GTF2F2: variants seen among roughly 807,000 people sequenced by gnomAD.
The protein encoded by GTF2F2 is ATP-dependent helicase GTF2F2.
Under a neutral mutation model 42.2 loss-of-function variants are expected in GTF2F2, and 23 were observed. The ratio of observed to expected loss-of-function variants is 0.55; its 90% CI spans 0.39 to 0.77. GTF2F2 has a LOEUF of 0.77. Ranked by LOEUF, GTF2F2 falls within the 30% of genes least tolerant of loss-of-function variation. GTF2F2 has a pLI of 0.00. For missense variants in GTF2F2, 261 were observed against 287.2 expected (o/e 0.91, Z 0.66); for synonymous variants, 105 against 100.8 (o/e 1.04, Z -0.25).
chr13:45,276,439 C>CTT (rs61148455), intron 7 of GTF2F2, among the ~76,000 whole-genome samples: 145 of 144,214 alleles, frequency 1.0e-3, no homozygotes, highest in South Asian at 6.4e-3. Context: ...AACTGCTAGA[C>CTT]TTTTTTTTTT....
intron 4 of GTF2F2, among the ~76,000 whole-genome samples, chr13:45,156,844 C>T (rs1870780476): frequency 6.6e-6 from 1 of 152,180 alleles, no homozygotes. Context: ...ATCTTTGACG[C>T]CTTTGTAGCA....
chr13:45,189,655 G>A (rs1356519802), intron 4 of GTF2F2, among the ~76,000 whole-genome samples: 1 of 147,138 alleles, frequency 6.8e-6, no homozygotes, highest in Non-Finnish European at 1.6e-5. Flanking sequence ...TGAGGACATA[G>A]GCATGGGCAA....
intron 6 of GTF2F2, among the ~76,000 whole-genome samples, chr13:45,254,221 C>T (rs969288024): frequency 3.9e-5 from 6 of 151,994 alleles, no homozygotes; most frequent in African/African-American, 1.5e-4. Context: ...TTGTTAATCT[C>T]TTACTGTGCC....
chr13:45,186,255 G>A (rs927530903), intron 4 of GTF2F2, among the ~76,000 whole-genome samples: 3 of 150,524 alleles, frequency 2.0e-5, no homozygotes, highest in South Asian at 2.1e-4. Context: ...GATTACAGGC[G>A]TGAGCCCCGG....
Position 45,252,927 on chromosome 13 carries a change from T to C in GTF2F2, c.443T>C (p.Val148Ala). 1.3e-6 allele frequency: 2 copies of C among 1,503,512 alleles called. No individual in the cohort carries two copies. The highest frequency in any genetic ancestry group is 2.6e-5 in the East Asian group (1 of 38,408). 93.1% of individuals were successfully genotyped at this position (1,503,512 alleles called of 1,614,324 possible). A position where few individuals can be genotyped will look rare whatever the true frequency, so the allele number is the denominator to read the frequency against. The stretch of plus-strand genomic sequence containing the variant: ...AGGCTATCACAACAGCTGGACAAAG[T>C]TGTAACAACCAATTACAAACCTGTT... ...PVRLSQQLDKVVTTNYKPVAN... is the reference protein window; with the variant it reads ...PVRLSQQLDKAVTTNYKPVAN... The change falls in exon 6 of 8, where the codon GTT (valine) becomes GCT (alanine). Residue 148 changes from valine to alanine, a missense_variant. Val to Ala is a moderately conservative substitution (Grantham distance 64, BLOSUM62 0). Coordinates refer to ENST00000340473, the MANE Select transcript of GTF2F2 (RefSeq NM_004128.3).
chr13:45,150,373 A>G (rs1343255043), intron 3 of GTF2F2, among the ~76,000 whole-genome samples: 4 of 152,124 alleles, frequency 2.6e-5, no homozygotes, highest in Non-Finnish European at 4.4e-5. Context: ...TATTTGTTAA[A>G]ACAATCAAAA....
At chr13:45,180,446 G>A (rs1014072811) in intron 4 of GTF2F2, among the ~76,000 whole-genome samples, 2 of 152,108 alleles carry the variant, frequency 1.3e-5, no homozygotes, top group Admixed American at 6.5e-5. Context: ...CCGTATGTGT[G>A]TGTATGTATG....
chr13:45,245,661 G>A (rs1228605301), intron 5 of GTF2F2, among the ~76,000 whole-genome samples: 1 of 114,358 alleles, frequency 8.7e-6, no homozygotes, highest in East Asian at 2.6e-4. Flanking sequence ...GTATTCCATG[G>A]TGTGAATATA....
rs904821491 is a variant in GTF2F2, at chr13:45,234,021, G to T, written c.387-18850G>T. Among the ~76,000 whole-genome samples, 9 of 152,160 alleles carry T rather than the reference G, an allele frequency of 5.9e-5. No homozygotes were observed. In the South Asian group the frequency reaches 1.0e-3, roughly 17 times the overall value. ...CCTCATCGTCTCCCACTATAAAGATGTCTACCAAAGCAACATTTGCAAAGA... is the reference window on the plus strand; with the variant it reads ...CCTCATCGTCTCCCACTATAAAGATTTCTACCAAAGCAACATTTGCAAAGA... On this transcript the variant is annotated intron_variant, in intron 5 of 7. Transcript: ENST00000340473.
At chr13:45,189,253 A>T (rs918797006) in intron 4 of GTF2F2, among the ~76,000 whole-genome samples, 3 of 152,096 alleles carry the variant, frequency 2.0e-5, no homozygotes, top group African/African-American at 7.2e-5. Flanking sequence ...TTTTGGCTGC[A>T]TAATATTCCA....
chr13:45,217,448 AC>A (rs931437890), intron 5 of GTF2F2, among the ~76,000 whole-genome samples: 2 of 152,014 alleles, frequency 1.3e-5, no homozygotes, highest in Non-Finnish European at 2.9e-5. Flanking sequence ...TACCTTTATT[AC>A]TTTTGTTTCT....
intron 1 of GTF2F2, among the ~76,000 whole-genome samples, chr13:45,129,384 A>AT (rs935057519): frequency 1.4e-4 from 22 of 151,770 alleles, no homozygotes; most frequent in Admixed American, 4.6e-4. Context: ...TAATTTTTGT[A>AT]TTTTTTGTAG....
chr13:45,163,476 C>T (rs1271595171), intron 4 of GTF2F2, among the ~76,000 whole-genome samples: 1 of 151,906 alleles, frequency 6.6e-6, no homozygotes, highest in Admixed American at 6.6e-5. Context: ...GCGGAGGTTG[C>T]AGTGAGCCGA....
intron 5 of GTF2F2, among the ~76,000 whole-genome samples, chr13:45,246,048 G>A (rs9534080): frequency 0.28 from 42,015 of 148,168 alleles, 6,941 homozygotes; most frequent in African/African-American, 0.44. Context: ...TCGCTCTGTC[G>A]CCCAGGCTGG....
intron 5 of GTF2F2, among the ~76,000 whole-genome samples, chr13:45,236,912 G>C (rs1875020857): frequency 6.6e-6 from 1 of 152,078 alleles, no homozygotes; most frequent in African/African-American, 2.4e-5. Flanking sequence ...GGAATATTGA[G>C]AAAAATAATT....
chr13:45,264,898 A>G (rs145560795), intron 6 of GTF2F2, among the ~76,000 whole-genome samples: 166 of 152,290 alleles, frequency 1.1e-3, no homozygotes, highest in African/African-American at 3.9e-3. Flanking sequence ...CAATCATTTT[A>G]CACAAGAAAC....
At chr13:45,255,286 T>C (rs1166056656) in intron 6 of GTF2F2, among the ~76,000 whole-genome samples, 2 of 151,894 alleles carry the variant, frequency 1.3e-5, no homozygotes, top group East Asian at 3.9e-4. Flanking sequence ...TATATGAAAG[T>C]AGCAAATGCC....
intron 4 of GTF2F2, among the ~76,000 whole-genome samples, chr13:45,168,906 T>TCCCTCCCTCCTTCCTTCCCTCCCTC (rs145117805): frequency 1.1e-5 from 1 of 87,262 alleles, no homozygotes; most frequent in African/African-American, 5.1e-5. Flanking sequence ...CCTCCCTCCC[T>TCCCTCCCTCCTTCCTTCCCTCCCTC]CCTCCTTCCT....
In GTF2F2 at chr13:45,252,909, C is replaced by T. The variant is rs1204274806; in HGVS notation, c.425C>T (p.Ser142Leu). 1.3e-6 allele frequency: 2 copies of T among 1,512,734 alleles called. No individual in the cohort carries two copies. The highest frequency in any genetic ancestry group is 2.7e-5 in the South Asian group (2 of 73,884). The allele number at this position is 1,512,734 out of a possible 1,614,324, so 93.7% of individuals were successfully genotyped here. A position where few individuals can be genotyped will look rare whatever the true frequency, so the allele number is the denominator to read the frequency against. ...IEESSKPVRL[S>L]QQLDKVVTTN... is the part of the protein sequence containing the mutation. ...GAGTCTTCCAAACCAGTGAGGCTAT[C>T]ACAACAGCTGGACAAAGTTGTAACA... Residue 142 changes from serine to leucine, a missense_variant, in exon 6 of 8, where the codon TCA becomes TTA. Ser to Leu is a moderately radical substitution (Grantham distance 145). Coordinates refer to ENST00000340473, the MANE Select transcript of GTF2F2 (RefSeq NM_004128.3).
Sources: gnomAD v4.1 joint callset for allele counts (sites outside exome capture counted in the v4.1 genomes callset) on GRCh38, gnomAD v4.1.1 for gene constraint, MANE v1.5 for transcripts, NCBI Gene and HGNC (gene_info 2026-07-23, HGNC 2026-07-21) for gene names.